The following KRT86 variants were observed in gnomAD, a reference collection of about 807,000 sequenced individuals.
KRT86 encodes the protein keratin, type II cuticular Hb6.
KRT86 carries 30 observed loss-of-function variants against 41.2 expected under a neutral mutation model. The ratio of observed to expected loss-of-function variants is 0.73; its 90% CI spans 0.54 to 0.99. The LOEUF (loss-of-function observed/expected upper bound fraction) is 0.99. Ranked by LOEUF, KRT86 falls within the 50% of genes least tolerant of loss-of-function variation. The probability of loss-of-function intolerance (pLI) is 0.00; values close to 1 mark genes in which losing one functional copy is unlikely to be tolerated. For missense variants in KRT86, 561 were observed against 571.4 expected, an observed-to-expected ratio of 0.98 and a Z score of 0.19; for synonymous variants, 238 against 238.1, an observed-to-expected ratio of 1.00 and a Z score of 0.00.
intron 2 of KRT86, chr12:52,291,476 G>T (rs1383752154): frequency 1.9e-6 from 3 of 1,612,720 alleles, no homozygotes; most frequent in Middle Eastern, 1.7e-4. Context: ...GATCCTCCTG[G>T]ACGTTTGGGT....
At chr12:52,291,090 C>T in intron 2 of KRT86, 1 of 628,786 alleles carries the variant, frequency 1.6e-6, no homozygotes. Context: ...TGATCCAGGA[C>T]ACCCACCTTG....
intron 2 of KRT86, chr12:52,285,830 C>T (rs1478526063): frequency 4.0e-6 from 1 of 249,306 alleles, no homozygotes; most frequent in Non-Finnish European, 7.9e-6. Flanking sequence ...TTGGCTTGGC[C>T]TTTTGCTGCT....
chr12:52,298,770 C>A (rs1247031324), intron 2 of KRT86, among the ~76,000 whole-genome samples: 1 of 152,118 alleles, frequency 6.6e-6, no homozygotes, highest in African/African-American at 2.4e-5. Context: ...AACTAATATG[C>A]CATGTATTCA....
In KRT86 at chr12:52,306,148, A is replaced by G; in HGVS notation, c.1115A>G (p.Glu372Gly). ...SDARCKLAEL[E>G]GALQKAKQDM... is the part of the protein sequence containing the mutation. ...GCCCGCTGCAAGTTGGCCGAGCTGG[A>G]GGGTGCCCTGCAGAAGGCCAAGCAG... The change falls in exon 9 of 11, where the codon GAG becomes GGG. Residue 372 changes from glutamate to glycine, a missense_variant. Around this residue, in one of 3 missense-constraint regions of KRT86, gnomAD observed 397 missense variants for 375.9 expected, o/e 1.06. Transcript: ENST00000423955. 1 of 1,613,950 alleles carries G rather than the reference A, an allele frequency of 6.2e-7. No homozygotes were observed. The highest frequency in any genetic ancestry group is 8.5e-7 in the Non-Finnish European group (1 of 1,180,040).
chr12:52,288,466 T>C (rs1174841006), intron 2 of KRT86: 10 of 1,613,792 alleles, frequency 6.2e-6, no homozygotes, highest in Admixed American at 3.3e-5. Context: ...CCTGGAAAGG[T>C]GGGGAGTGTT....
At chr12:52,298,031 CTGT>C (rs1265655517) in intron 2 of KRT86, among the ~76,000 whole-genome samples, 3 of 152,218 alleles carry the variant, frequency 2.0e-5, no homozygotes, top group African/African-American at 4.8e-5. Context: ...TTCTGATGGT[CTGT>C]TAAGTCCAAA....
chr12:52,291,357 A>G, intron 2 of KRT86: 1 of 1,595,028 alleles, frequency 6.3e-7, no homozygotes, highest in Non-Finnish European at 8.5e-7. Flanking sequence ...CCGCGGTAGC[A>G]GGAGATGCCA....
chr12:52,297,362 C>T (rs560463742), intron 2 of KRT86, among the ~76,000 whole-genome samples: 15 of 152,318 alleles, frequency 9.8e-5, no homozygotes, highest in Admixed American at 7.2e-4. Context: ...CCCATGTTTC[C>T]TTCCTCCTCT....
chr12:52,275,077 C>A (rs1357259935), intron 1 of KRT86: 1 of 152,160 alleles, frequency 6.6e-6, no homozygotes, highest in Non-Finnish European at 1.5e-5. Context: ...CCCCAGTTTG[C>A]CTGAGGAAAG....
intron 2 of KRT86, chr12:52,287,168 T>G (rs767515484): frequency 6.2e-7 from 1 of 1,613,356 alleles, no homozygotes; most frequent in African/African-American, 1.3e-5. Context: ...CAGCTTGGAG[T>G]TCATCACCTC....
Position 52,279,211 on chromosome 12 carries a change from T to A in KRT86, c.-5+3265T>A, listed in dbSNP as rs118178857. The A allele has an allele frequency of 7.3e-3, 1,110 of 152,368 alleles. 7 individuals are homozygous for A. The highest frequency in any genetic ancestry group is 0.02 in the South Asian group (95 of 4,822). 9.4% of individuals were successfully genotyped at this position (152,368 alleles called of 1,614,324 possible). A position where few individuals can be genotyped will look rare whatever the true frequency, so the allele number is the denominator to read the frequency against. On this transcript the variant is annotated intron_variant, in intron 2 of 10. Coordinates refer to ENST00000423955, the MANE Select transcript of KRT86 (RefSeq NM_001320198.2). ...TGTCCGTGGGCTTTAGCTACACAGC[T>A]CCCGCAGATGTTGAACCCTTCCCGC...
intron 2 of KRT86, chr12:52,288,213 ACCT>A: frequency 1.3e-6 from 2 of 1,591,570 alleles, no homozygotes; most frequent in Non-Finnish European, 1.7e-6. Flanking sequence ...TCCTGACTCC[ACCT>A]CCTCAGGCTT....
intron 2 of KRT86, among the ~76,000 whole-genome samples, chr12:52,283,940 A>G (rs929567024): frequency 6.6e-6 from 1 of 152,220 alleles, no homozygotes; most frequent in Admixed American, 6.5e-5. Context: ...GAGCCTGTGC[A>G]GGAATGGGAA....
intron 2 of KRT86, among the ~76,000 whole-genome samples, chr12:52,294,198 C>A (rs185699443): frequency 6.6e-6 from 1 of 152,296 alleles, no homozygotes; most frequent in African/African-American, 2.4e-5. Flanking sequence ...CCCAGTAAAC[C>A]AGCGGTTGGG....
chr12:52,286,359 C>T lies in KRT86; in HGVS notation c.-5+10413C>T, dbSNP rs551755048. On this transcript the variant is annotated intron_variant, in intron 2 of 10. Coordinates refer to ENST00000423955, the MANE Select transcript of KRT86 (RefSeq NM_001320198.2). ...CCTCCGCAGGTGGTGTTCAATTGGC[C>T]GCAGGGCGCACACAGGCCGGTGCTC... 457 of 1,555,134 alleles carry T rather than the reference C, an allele frequency of 2.9e-4. 4 individuals carry two copies. The South Asian group carries it at 4.4e-3, about 15-fold the overall frequency.
At chr12:52,295,713 A>G (rs1056298947) in intron 2 of KRT86, among the ~76,000 whole-genome samples, 1 of 152,224 alleles carries the variant, frequency 6.6e-6, no homozygotes, top group Non-Finnish European at 1.5e-5. Context: ...TTCTTCGTGG[A>G]TATATTCCAA....
intron 2 of KRT86, among the ~76,000 whole-genome samples, chr12:52,300,798 G>A (rs1325614215): frequency 6.6e-6 from 1 of 152,220 alleles, no homozygotes; most frequent in African/African-American, 2.4e-5. Context: ...TTCTGAGCCA[G>A]ATACTGTATA....
chr12:52,305,889 C>T, intron 8 of KRT86, 101 bp downstream of exon 8: 1 of 1,604,254 alleles, frequency 6.2e-7, no homozygotes, highest in South Asian at 1.1e-5. Flanking sequence ...ATTCTCCAGC[C>T]CCTCTGTCCA....
At chr12:52,276,418 A>G (rs1034869342) in intron 2 of KRT86, among the ~76,000 whole-genome samples, 1 of 152,160 alleles carries the variant, frequency 6.6e-6, no homozygotes, top group South Asian at 2.1e-4. Flanking sequence ...TCTTCTTCAC[A>G]TGCGGTATAG....
Sources: allele counts gnomAD v4.1 joint callset (sites outside exome capture counted in the v4.1 genomes callset), GRCh38; gene constraint gnomAD v4.1.1; regional missense constraint gnomAD v4.1.1; transcripts MANE v1.5; gene names NCBI Gene and HGNC (gene_info 2026-07-23, HGNC 2026-07-21).